RAP2A: variants seen among roughly 807,000 people sequenced by gnomAD.
RAP2A encodes the protein ras-related protein Rap-2a.
In RAP2A, 5 loss-of-function variants were observed where a neutral mutation model predicts 15.1. The ratio of observed to expected loss-of-function variants is 0.33; its 90% CI spans 0.17 to 0.70. The LOEUF is 0.70. RAP2A is among the 30% of genes least tolerant of loss of function. RAP2A has a pLI of 0.68. For missense variants in RAP2A, 111 were observed against 240.3 expected (o/e 0.46, Z 3.56); for synonymous variants, 110 against 99.7 (o/e 1.10, Z -0.62).
intron 1 of RAP2A, among the ~76,000 whole-genome samples, chr13:97,441,222 C>T (rs1237315724): frequency 4.0e-5 from 6 of 151,822 alleles, no homozygotes; most frequent in African/African-American, 1.5e-4. Flanking sequence ...AGCCTGTGAC[C>T]CACAATTTTG....
At chr13:97,435,286 C>A (rs962451488) in intron 1 of RAP2A, among the ~76,000 whole-genome samples, 15 of 152,064 alleles carry the variant, frequency 9.9e-5, no homozygotes, top group Non-Finnish European at 2.1e-4. Flanking sequence ...AAAATTAAGT[C>A]TCTAATTTAG....
Position 97,466,368 on chromosome 13 carries a change from T to C in RAP2A, c.*1926T>C, listed in dbSNP as rs1358689655. The stretch of plus-strand genomic sequence containing the variant: ...CCTCAATTATGAACCACCTTGTTTA[T>C]AGGACAAAAAAATTTAACCAATTTT... On this transcript the variant is annotated 3_prime_UTR_variant, in exon 2 of 2. Coordinates refer to ENST00000245304, the MANE Select transcript of RAP2A (RefSeq NM_021033.7). 2 of 152,180 alleles carry C rather than the reference T, an allele frequency of 1.3e-5. No homozygotes were observed. Among genetic ancestry groups the C allele is most frequent in the Admixed American group, 6.5e-5 (1 of 15,270 alleles). The allele number at this position is 152,180 out of a possible 1,614,324, so 9.4% of individuals were successfully genotyped here. A position where few individuals can be genotyped will look rare whatever the true frequency, so the allele number is the denominator to read the frequency against.
At chr13:97,452,293 C>T (rs531816148) in intron 1 of RAP2A, among the ~76,000 whole-genome samples, 11 of 151,058 alleles carry the variant, frequency 7.3e-5, no homozygotes, top group African/African-American at 1.7e-4. Context: ...CTAATTTGTA[C>T]GGGTGGTGTG....
At chr13:97,458,769 A>G (rs1397495901) in intron 1 of RAP2A, among the ~76,000 whole-genome samples, 1 of 152,126 alleles carries the variant, frequency 6.6e-6, no homozygotes, top group African/African-American at 2.4e-5. Flanking sequence ...CAGTTACAAG[A>G]AAGGAGAAAG....
At position 97,465,675 on chromosome 13, in the gene RAP2A, T is replaced by C. The variant is rs2066767654; in HGVS notation, c.*1233T>C. The C allele has an allele frequency of 6.6e-6, 1 of 152,182 alleles. No individual in the cohort carries two copies. Among genetic ancestry groups the C allele is most frequent in the Non-Finnish European group, 1.5e-5 (1 of 68,014 alleles). 9.4% of individuals were successfully genotyped at this position (152,182 alleles called of 1,614,324 possible). A position where few individuals can be genotyped will look rare whatever the true frequency, so the allele number is the denominator to read the frequency against. On this transcript the variant is annotated 3_prime_UTR_variant, in exon 2 of 2. Coordinates refer to ENST00000245304, the MANE Select transcript of RAP2A (RefSeq NM_021033.7). ...TTGCCCTGATTACTGAAGCGTCAAA[T>C]AAAGCTGGAGTGAAAATTTTGTTTT...
At chr13:97,443,536 G>A (rs1055779272) in intron 1 of RAP2A, among the ~76,000 whole-genome samples, 3 of 151,972 alleles carry the variant, frequency 2.0e-5, no homozygotes, top group African/African-American at 7.3e-5. Context: ...TACAGAGCAG[G>A]CACCACCGCA....
intron 1 of RAP2A, among the ~76,000 whole-genome samples, chr13:97,439,038 C>A (rs2066645920): frequency 6.6e-6 from 1 of 152,064 alleles, no homozygotes; most frequent in Non-Finnish European, 1.5e-5. Context: ...TTAATACGAA[C>A]CTCAAAGAAT....
chr13:97,444,579 G>C (rs778198843), intron 1 of RAP2A, among the ~76,000 whole-genome samples: 1 of 152,042 alleles, frequency 6.6e-6, no homozygotes, highest in Non-Finnish European at 1.5e-5. Flanking sequence ...GCATTGCCTT[G>C]GGCATTATAC....
At chr13:97,457,465 A>G (rs1440320205) in intron 1 of RAP2A, among the ~76,000 whole-genome samples, 1 of 152,070 alleles carries the variant, frequency 6.6e-6, no homozygotes, top group Admixed American at 6.6e-5. Context: ...ATATTATTAA[A>G]GTGGAAAGCT....
chr13:97,462,996 G>C (rs1365270657), intron 1 of RAP2A, among the ~76,000 whole-genome samples: 2 of 113,794 alleles, frequency 1.8e-5, no homozygotes, highest in African/African-American at 5.9e-5. Flanking sequence ...ACCATGGGGT[G>C]GTTTTCTCTT....
chr13:97,440,828 ATTT>A lies in RAP2A; in HGVS notation c.314+6050_314+6052del, dbSNP rs747905479. Among the ~76,000 whole-genome samples, 11 of 151,728 alleles carry A rather than the reference ATTT, an allele frequency of 7.2e-5. No homozygotes were observed. In the East Asian group the frequency reaches 1.7e-3, roughly 24 times the overall value. On this transcript the variant is annotated intron_variant, in intron 1 of 1. Transcript: ENST00000245304. ...TATCCATTCATTCATTCATTCATTC[ATTT>A]TTTTTGTAGTAAGAACACAACATAA...
At chr13:97,448,402 T>C (rs2066688456) in intron 1 of RAP2A, among the ~76,000 whole-genome samples, 1 of 152,222 alleles carries the variant, frequency 6.6e-6, no homozygotes, top group South Asian at 2.1e-4. Context: ...TACTTATTAA[T>C]TCACGTATGG....
At chr13:97,441,877 A>G (rs1224525902) in intron 1 of RAP2A, 1 of 374,368 alleles carries the variant, frequency 2.7e-6, no homozygotes, top group Non-Finnish European at 5.2e-6. Flanking sequence ...CTGAATAGTT[A>G]CTAAAGGAAA....
chr13:97,464,172 C>T, intron 1 of RAP2A, 33 bp from the exon 2 acceptor site: 3 of 1,604,210 alleles, frequency 1.9e-6, no homozygotes, highest in Non-Finnish European at 2.6e-6. Flanking sequence ...CTAACTGTTA[C>T]AATGTATGTG....
chr13:97,461,971 A>AATATATAT (rs889537682), intron 1 of RAP2A, among the ~76,000 whole-genome samples: 2 of 142,064 alleles, frequency 1.4e-5, no homozygotes, highest in Non-Finnish European at 3.0e-5. Context: ...TCAAAAAAAA[A>AATATATAT]ATATATATAT....
At chr13:97,445,392 G>A (rs1566472405) in intron 1 of RAP2A, among the ~76,000 whole-genome samples, 2 of 152,052 alleles carry the variant, frequency 1.3e-5, no homozygotes, top group Admixed American at 6.5e-5. Flanking sequence ...ATACATACAT[G>A]CATACATACA....
At chr13:97,459,779 C>A (rs1426013060) in intron 1 of RAP2A, among the ~76,000 whole-genome samples, 1 of 152,206 alleles carries the variant, frequency 6.6e-6, no homozygotes, top group African/African-American at 2.4e-5. Flanking sequence ...TTCCATTGCA[C>A]TTAACACTTT....
chr13:97,461,969 A>AT (rs1555326902), intron 1 of RAP2A, among the ~76,000 whole-genome samples: 51 of 138,152 alleles, frequency 3.7e-4, no homozygotes, highest in East Asian at 1.2e-3. Flanking sequence ...TCTCAAAAAA[A>AT]AAATATATAT....
intron 1 of RAP2A, chr13:97,441,872 T>G: frequency 2.6e-6 from 1 of 383,922 alleles, no homozygotes; most frequent in Non-Finnish European, 5.1e-6. Context: ...GGTGACTGAA[T>G]AGTTACTAAA....
Sources: allele counts gnomAD v4.1 joint callset (sites outside exome capture counted in the v4.1 genomes callset), GRCh38; gene constraint gnomAD v4.1.1; transcripts MANE v1.5; gene names NCBI Gene and HGNC (gene_info 2026-07-23, HGNC 2026-07-21).